SEPTIN10: variants seen among roughly 807,000 people sequenced by gnomAD.
The protein encoded by SEPTIN10 is septin 10, also known as septin-10.
SEPTIN10 carries 66 observed loss-of-function variants against 54.8 expected under a neutral mutation model. The observed-to-expected ratio is 1.21, with a 90% confidence interval of 0.99 to 1.48. The LOEUF (loss-of-function observed/expected upper bound fraction) is 1.48. Among genes scored for constraint, SEPTIN10 ranks in the 40% most tolerant of loss-of-function variants. The pLI, the probability that SEPTIN10 is intolerant of heterozygous loss-of-function variation, is 0.00. For missense variants in SEPTIN10, 620 were observed against 545.6 expected (o/e 1.14, Z -1.36); for synonymous variants, 161 against 181.0 (o/e 0.89, Z 0.89).
At chr2:109,545,698 G>A in intron 10 of SEPTIN10, 1 of 1,459,962 alleles carries the variant, frequency 6.8e-7, no homozygotes, top group Non-Finnish European at 9.0e-7. Context: ...AATAACTCAT[G>A]GTAGGTCAGC....
chr2:109,585,198 T>C lies in SEPTIN10; in HGVS notation c.341A>G (p.Glu114Gly). The change falls in exon 4 of 11, where the codon GAA (glutamate) becomes GGA (glycine). Residue 114 changes from glutamate to glycine, a missense_variant. Physicochemically the swap from Glu to Gly is moderately conservative, Grantham distance 98. Coordinates refer to ENST00000397712, the MANE Select transcript of SEPTIN10 (RefSeq NM_144710.5). ...GGTCAATTTCAATTGAACATTACTTTCCTGGAGTTCATATGTCTGAGCTTT... is the reference window on the plus strand; with the variant it reads ...GGTCAATTTCAATTGAACATTACTTCCCTGGAGTTCATATGTCTGAGCTTT... Reference protein sequence around the residue: ...KLKAQTYELQESNVQLKLTIV... With the variant: ...KLKAQTYELQGSNVQLKLTIV... 6.2e-7 allele frequency: 1 copy of C among 1,612,826 alleles called. No individual in the cohort carries two copies. The highest frequency in any genetic ancestry group is 8.5e-7 in the Non-Finnish European group (1 of 1,179,308).
At chr2:109,553,481 T>C (rs968106416) in intron 8 of SEPTIN10, among the ~76,000 whole-genome samples, 1 of 150,798 alleles carries the variant, frequency 6.6e-6, no homozygotes, top group African/African-American at 2.5e-5. Context: ...GAGGCAGAGA[T>C]TGCAGTGAGC....
At chr2:109,547,084 T>G (rs1681451452) in intron 9 of SEPTIN10, among the ~76,000 whole-genome samples, 1 of 152,146 alleles carries the variant, frequency 6.6e-6, no homozygotes, top group Non-Finnish European at 1.5e-5. Context: ...GAACAAAGGT[T>G]AACCACCAAA....
intron 5 of SEPTIN10, among the ~76,000 whole-genome samples, chr2:109,570,143 T>C (rs1688017822): frequency 6.6e-6 from 1 of 152,198 alleles, no homozygotes; most frequent in Non-Finnish European, 1.5e-5. Flanking sequence ...CTGTCTAGTT[T>C]GTACAATAGA....
chr2:109,560,374 C>T (rs187116188), intron 8 of SEPTIN10, among the ~76,000 whole-genome samples: 2 of 152,262 alleles, frequency 1.3e-5, no homozygotes, highest in East Asian at 3.9e-4. Context: ...TGTCAAGTTC[C>T]AAGACGTGAC....
chr2:109,570,996 G>A (rs60807930), intron 5 of SEPTIN10, among the ~76,000 whole-genome samples: 2,427 of 152,240 alleles, frequency 0.016, 28 homozygotes, highest in Non-Finnish European at 0.027. Flanking sequence ...CTGGTGAGAG[G>A]TGACTGGATC....
chr2:109,597,023 C>T (rs896869323), intron 1 of SEPTIN10, among the ~76,000 whole-genome samples: 2 of 152,080 alleles, frequency 1.3e-5, no homozygotes, highest in African/African-American at 2.4e-5. Flanking sequence ...GACTGACAGC[C>T]GAGATCCTCC....
chr2:109,592,146 C>T (rs1286573718), intron 2 of SEPTIN10, among the ~76,000 whole-genome samples: 2 of 151,902 alleles, frequency 1.3e-5, no homozygotes, highest in African/African-American at 2.4e-5. Flanking sequence ...TTCTATGCAC[C>T]CACCACATTC....
chr2:109,609,501 G>T (rs1036318), intron 1 of SEPTIN10, among the ~76,000 whole-genome samples: 26,105 of 151,822 alleles, frequency 0.17, 2,569 homozygotes, highest in African/African-American at 0.27. Flanking sequence ...CTGGCTGCCA[G>T]GGGCTGGGGT....
In SEPTIN10 at chr2:109,605,129, G is replaced by A. The variant is rs535666636; in HGVS notation, c.30+8669C>T. 4.0e-4 allele frequency among the ~76,000 whole-genome samples: 61 copies of A among 152,258 alleles called. No individual in the cohort carries two copies. The South Asian group carries it at 4.4e-3, about 11-fold the overall frequency. On this transcript the variant is annotated intron_variant, in intron 1 of 10. Transcript: ENST00000397712. ...CTTGAAGTTTCCATTGATTCCTTGAGACTTGAATTGTTCTACACTGATAAG... is the reference window on the plus strand; with the variant it reads ...CTTGAAGTTTCCATTGATTCCTTGAAACTTGAATTGTTCTACACTGATAAG...
rs766443489 is a variant in SEPTIN10, at chr2:109,567,878, G to T, written c.699C>A (p.Gly233=). ...IKLMSELVSN[G]VQIYQFPTDD... is the part of the protein sequence containing the mutation. ...CCGTTGGGAACTGGTATATCTGGAC[G>T]CCATTGCTGACCAATTCACTCATGA... The change falls in exon 6 of 11, where the codon GGC becomes GGA. Residue 233 remains glycine (G), a synonymous_variant. Coordinates refer to ENST00000397712, the MANE Select transcript of SEPTIN10 (RefSeq NM_144710.5). The T allele has an allele frequency of 6.2e-7, 1 of 1,613,888 alleles. No homozygotes were observed. Among genetic ancestry groups the T allele is most frequent in the African/African-American group, 1.3e-5 (1 of 75,036 alleles).
intron 8 of SEPTIN10, among the ~76,000 whole-genome samples, chr2:109,558,433 G>A (rs971260738): frequency 3.9e-5 from 6 of 152,154 alleles, no homozygotes; most frequent in African/African-American, 9.7e-5. Flanking sequence ...CAATGACAGT[G>A]ATTTTGTGCT....
intron 2 of SEPTIN10, among the ~76,000 whole-genome samples, chr2:109,592,709 G>A (rs1694347884): frequency 6.6e-6 from 1 of 151,274 alleles, no homozygotes; most frequent in African/African-American, 2.4e-5. Context: ...GAACCCGGGA[G>A]GCAGAGGTTG....
Position 109,592,590 on chromosome 2 carries a change from C to G in SEPTIN10, c.99+461G>C, listed in dbSNP as rs556823762. Among the ~76,000 whole-genome samples the G allele has an allele frequency of 2.0e-5, 3 of 151,932 alleles. No individual in the cohort carries two copies. The East Asian group carries it at 5.8e-4, about 30-fold the overall frequency. Reference sequence around the variant, plus strand: ...AGGTCAGGAGTTCAAAACTAGCCTACCAACATGGTGAAACCCCATCTCTAC... The same window carrying G: ...AGGTCAGGAGTTCAAAACTAGCCTAGCAACATGGTGAAACCCCATCTCTAC... On this transcript the variant is annotated intron_variant, in intron 2 of 10. Transcript: ENST00000397712.
At chr2:109,557,222 A>G (rs182567280) in intron 8 of SEPTIN10, among the ~76,000 whole-genome samples, 8 of 152,194 alleles carry the variant, frequency 5.3e-5, no homozygotes, top group Non-Finnish European at 8.8e-5. Context: ...CATAACAAAC[A>G]TAAGTTTTTT....
intron 8 of SEPTIN10, among the ~76,000 whole-genome samples, chr2:109,563,997 C>T (rs557947249): frequency 4.1e-4 from 63 of 152,180 alleles, no homozygotes; most frequent in African/African-American, 1.4e-3. Flanking sequence ...GATTTGTGTT[C>T]CAACTTACCT....
chr2:109,600,712 T>A (rs1696424103), intron 1 of SEPTIN10, among the ~76,000 whole-genome samples: 1 of 151,860 alleles, frequency 6.6e-6, no homozygotes, highest in Non-Finnish European at 1.5e-5. Context: ...GGCAATAGAG[T>A]GAGATCCCAC....
At chr2:109,557,000 A>G (rs1436767545) in intron 8 of SEPTIN10, among the ~76,000 whole-genome samples, 2 of 152,222 alleles carry the variant, frequency 1.3e-5, no homozygotes, top group East Asian at 1.9e-4. Context: ...GAAGGGGAAC[A>G]TCACACACCG....
intron 9 of SEPTIN10, 119 bp from the exon 10 acceptor site, chr2:109,546,356 A>G (rs1187454057): frequency 5.6e-6 from 3 of 533,902 alleles, no homozygotes; most frequent in Non-Finnish European, 6.2e-6. Flanking sequence ...ACACAGTCAA[A>G]ATCTTTCTGA....
Sources: allele counts gnomAD v4.1 joint callset (sites outside exome capture counted in the v4.1 genomes callset), GRCh38; gene constraint gnomAD v4.1.1; transcripts MANE v1.5; gene names NCBI Gene and HGNC (gene_info 2026-07-23, HGNC 2026-07-21).